Variants in PPARD observed in about 807,000 individuals in gnomAD.
PPARD encodes the protein peroxisome proliferator activated receptor delta.
In PPARD, 6 loss-of-function variants were observed where a neutral mutation model predicts 39.5. The observed-to-expected ratio is 0.15, with a 90% CI of 0.08 to 0.30. PPARD has a LOEUF of 0.30. PPARD is among the 10% of genes least tolerant of loss of function. PPARD has a pLI of 1.00. For missense variants in PPARD, 397 were observed against 596.8 expected (o/e 0.67, Z 3.49); for synonymous variants, 210 against 231.3 (o/e 0.91, Z 0.83).
chr6:35,351,861 C>T (rs1389616343), intron 2 of PPARD, among the ~76,000 whole-genome samples: 1 of 87,366 alleles, frequency 1.1e-5, no homozygotes, highest in African/African-American at 5.6e-5. Context: ...CACACCCAGC[C>T]TTTTTTTTTT....
At chr6:35,354,219 G>T (rs1761429366) in intron 2 of PPARD, among the ~76,000 whole-genome samples, 1 of 117,444 alleles carries the variant, frequency 8.5e-6, no homozygotes, top group Non-Finnish European at 1.6e-5. Flanking sequence ...GCGACAGAGC[G>T]AGACTCCGTC....
chr6:35,424,237 C>T lies in PPARD; in HGVS notation c.627+89C>T. 7 of 1,591,550 alleles carry T rather than the reference C, an allele frequency of 4.4e-6. No individual in the cohort carries two copies. Among genetic ancestry groups the T allele is most frequent in the Non-Finnish European group, 6.0e-6 (7 of 1,167,558 alleles). On this transcript the variant is annotated intron_variant, in intron 6 of 7. Transcript: ENST00000360694. The surrounding 1 kb of genome is among the most constrained non-coding windows in gnomAD (Gnocchi z 7.1). ...GACTCCGGGAGAGCCAGGCCTTCTC[C>T]CTCCCTCAACTTCATGGTGCAGGCA... is the stretch of plus-strand genomic sequence containing the variant.
chr6:35,387,480 C>A (rs1393978357), intron 2 of PPARD, among the ~76,000 whole-genome samples: 1 of 152,044 alleles, frequency 6.6e-6, no homozygotes, highest in African/African-American at 2.4e-5. Flanking sequence ...TGACTGGACT[C>A]AGGATCTCCC....
intron 2 of PPARD, among the ~76,000 whole-genome samples, chr6:35,365,621 G>T (rs1326660934): frequency 1.3e-5 from 2 of 151,372 alleles, no homozygotes; most frequent in Non-Finnish European, 2.9e-5. Context: ...CTCCTGAGTA[G>T]CTGGGATTAC....
At chr6:35,419,978 C>T (rs1766030439) in intron 3 of PPARD, 149 bp from the exon 4 acceptor site, 3 of 889,098 alleles carry the variant, frequency 3.4e-6, no homozygotes, top group Non-Finnish European at 5.0e-6. Context: ...ACCCCCTGTT[C>T]TAGGTGAAGA....
At chr6:35,382,487 A>G (rs1763208037) in intron 2 of PPARD, among the ~76,000 whole-genome samples, 1 of 152,192 alleles carries the variant, frequency 6.6e-6, no homozygotes, top group Non-Finnish European at 1.5e-5. Context: ...AAATACTTCT[A>G]CTTACTATAA....
Position 35,382,048 on chromosome 6 carries a change from G to A in PPARD, c.-101-28939G>A, listed in dbSNP as rs569106097. On this transcript the variant is annotated intron_variant, in intron 2 of 7. Coordinates refer to ENST00000360694, the MANE Select transcript of PPARD (RefSeq NM_006238.5). ...TTGCCTGTGGTTTGTTTCCTCTTCT[G>A]CTCTCTCCTTTTTGTCATTGTCGCC... is the stretch of plus-strand genomic sequence containing the variant. Among the ~76,000 whole-genome samples the A allele has an allele frequency of 9.2e-5, 14 of 152,260 alleles. No individual in the cohort carries two copies. The East Asian group carries it at 1.4e-3, about 15-fold the overall frequency.
chr6:35,395,097 A>G (rs893584408), intron 2 of PPARD, among the ~76,000 whole-genome samples: 1 of 152,110 alleles, frequency 6.6e-6, no homozygotes, highest in Non-Finnish European at 1.5e-5. Flanking sequence ...TGGGACAGAG[A>G]GGGGGGTGCC....
At chr6:35,418,409 G>C (rs564819151) in intron 3 of PPARD, among the ~76,000 whole-genome samples, 84 of 152,370 alleles carry the variant, frequency 5.5e-4, no homozygotes, top group African/African-American at 1.9e-3. Flanking sequence ...AGGACACCCA[G>C]GCAGCCTGAG....
Position 35,420,819 on chromosome 6 carries a change from C to CTTTTTTTTTT in PPARD, c.285+554_285+563dup, listed in dbSNP as rs35852986. On this transcript the variant is annotated intron_variant, in intron 4 of 7. Coordinates refer to ENST00000360694, the MANE Select transcript of PPARD (RefSeq NM_006238.5). ...TTATGTTACCAAACTAACAAAGAAG[C>CTTTTTTTTTT]TTTTTTTTTTTTTTTTTTTTTTTTT... Among the ~76,000 whole-genome samples, 36 of 85,732 alleles carry CTTTTTTTTTT rather than the reference C, an allele frequency of 4.2e-4. 4 individuals are homozygous for CTTTTTTTTTT. Among genetic ancestry groups the CTTTTTTTTTT allele is most frequent in the Admixed American group, 7.1e-4 (4 of 5,656 alleles). 56.2% of individuals were successfully genotyped at this position (85,732 alleles called of 152,430 possible). A position where few individuals can be genotyped will look rare whatever the true frequency, so the allele number is the denominator to read the frequency against.
At chr6:35,407,329 C>T (rs956848030) in intron 2 of PPARD, among the ~76,000 whole-genome samples, 11 of 151,998 alleles carry the variant, frequency 7.2e-5, no homozygotes, top group Admixed American at 7.2e-4. Context: ...GTTCTCATTG[C>T]CTCATCCCAC....
At chr6:35,375,295 G>A (rs549594388) in intron 2 of PPARD, among the ~76,000 whole-genome samples, 31 of 131,886 alleles carry the variant, frequency 2.4e-4, no homozygotes, top group African/African-American at 5.8e-4. Context: ...TCAGCTCAGC[G>A]CAACCTCTGC....
chr6:35,350,927 G>A (rs1039562164), intron 2 of PPARD, among the ~76,000 whole-genome samples: 6 of 151,402 alleles, frequency 4.0e-5, no homozygotes, highest in Non-Finnish European at 5.9e-5. Context: ...GCGCCTGGGC[G>A]AAAGATGGCT....
At chr6:35,411,352 G>A in intron 3 of PPARD, 135 bp downstream of exon 3, 2 of 1,155,480 alleles carry the variant, frequency 1.7e-6, no homozygotes, top group South Asian at 6.6e-5. Context: ...CGGAAGCCTG[G>A]GTTCACGCCC....
chr6:35,414,531 C>CA (rs11389012), intron 3 of PPARD, among the ~76,000 whole-genome samples: 10,875 of 152,176 alleles, frequency 0.071, 795 homozygotes, highest in African/African-American at 0.18. Flanking sequence ...GCTTGGAGAT[C>CA]ACAGAGACCA....
At position 35,390,127 on chromosome 6, in the gene PPARD, C is replaced by A. The variant is rs117017312; in HGVS notation, c.-101-20860C>A. 4.7e-4 allele frequency among the ~76,000 whole-genome samples: 71 copies of A among 152,324 alleles called. No individual in the cohort carries two copies. In the East Asian group the frequency reaches 0.012, roughly 26 times the overall value. On this transcript the variant is annotated intron_variant, in intron 2 of 7. Coordinates refer to ENST00000360694, the MANE Select transcript of PPARD (RefSeq NM_006238.5). ...GGCTGCGTTGCCTGACTCACCTTGG[C>A]CTTCCCTGGGAGTGCCTTTTCTAGT...
chr6:35,405,429 G>A (rs1230679958), intron 2 of PPARD, among the ~76,000 whole-genome samples: 1 of 152,090 alleles, frequency 6.6e-6, no homozygotes. Context: ...TTCTGGCTCA[G>A]GGCCCTTGTG....
intron 2 of PPARD, among the ~76,000 whole-genome samples, chr6:35,395,799 T>TCC (rs1764276493): frequency 6.6e-6 from 1 of 152,194 alleles, no homozygotes; most frequent in African/African-American, 2.4e-5. Flanking sequence ...GCTTACTGGC[T>TCC]CCCGGCTCCC....
intron 2 of PPARD, among the ~76,000 whole-genome samples, chr6:35,390,270 C>T (rs1406060952): frequency 6.6e-6 from 1 of 152,222 alleles, no homozygotes; most frequent in Non-Finnish European, 1.5e-5. Flanking sequence ...CTCCATCACA[C>T]AGTTTGTATA....
Sources: allele counts gnomAD v4.1 joint callset (sites outside exome capture counted in the v4.1 genomes callset), GRCh38; gene constraint gnomAD v4.1.1; non-coding constraint Gnocchi (gnomAD v3.1); transcripts MANE v1.5; gene names NCBI Gene and HGNC (gene_info 2026-07-23, HGNC 2026-07-21).